Variants in RERG observed in about 807,000 individuals in gnomAD.
RERG encodes ras-related and estrogen-regulated growth inhibitor.
A neutral mutation model predicts 23.2 loss-of-function variants in RERG; 25 were observed. The observed-to-expected ratio is 1.08, with a 90% CI of 0.79 to 1.50. The LOEUF (loss-of-function observed/expected upper bound fraction) is 1.50, where lower values mean the gene tolerates loss of function less well. RERG is among the 40% of genes most tolerant of loss of function. The pLI is 0.00. For missense variants in RERG, 253 were observed against 250.1 expected (o/e 1.01, Z -0.08); for synonymous variants, 81 against 89.1 (o/e 0.91, Z 0.51).
intron 2 of RERG, among the ~76,000 whole-genome samples, chr12:15,173,751 TTTC>T (rs560514886): frequency 3.1e-3 from 466 of 152,044 alleles, no homozygotes; most frequent in Non-Finnish European, 3.8e-3. Context: ...ATAAAATTGT[TTTC>T]TTAATTTCAT....
intron 2 of RERG, among the ~76,000 whole-genome samples, chr12:15,130,168 T>C (rs1864020604): frequency 6.6e-6 from 1 of 152,148 alleles, no homozygotes; most frequent in Non-Finnish European, 1.5e-5. Context: ...ATGTTTATCA[T>C]GCTCCAGGTA....
intron 3 of RERG, among the ~76,000 whole-genome samples, chr12:15,118,763 C>T (rs928992386): frequency 6.6e-6 from 1 of 152,082 alleles, no homozygotes; most frequent in Middle Eastern, 3.2e-3. Context: ...TCCCACTTTC[C>T]CTTCTGCCGT....
chr12:15,219,792 T>A (rs1473314622), intron 1 of RERG, among the ~76,000 whole-genome samples: 1 of 152,198 alleles, frequency 6.6e-6, no homozygotes, highest in Admixed American at 6.5e-5. Flanking sequence ...CAAGTAATTA[T>A]CTGTCTGATT....
intron 2 of RERG, among the ~76,000 whole-genome samples, chr12:15,167,784 C>T (rs17822184): frequency 6.6e-6 from 1 of 152,100 alleles, no homozygotes; most frequent in South Asian, 2.1e-4. Flanking sequence ...CTAATAAAGA[C>T]AAAAAAATCA....
At chr12:15,201,439 T>C (rs1288451550) in intron 2 of RERG, among the ~76,000 whole-genome samples, 1 of 151,702 alleles carries the variant, frequency 6.6e-6, no homozygotes, top group Admixed American at 6.6e-5. Context: ...ACAAGGTGAA[T>C]ACATAAAGTA....
At chr12:15,130,698 C>A (rs1339396458) in intron 2 of RERG, among the ~76,000 whole-genome samples, 4 of 152,086 alleles carry the variant, frequency 2.6e-5, no homozygotes, top group Non-Finnish European at 5.9e-5. Flanking sequence ...AGATGGGGGT[C>A]TAGGGATTGC....
intron 3 of RERG, among the ~76,000 whole-genome samples, chr12:15,112,802 C>T (rs1214555497): frequency 6.6e-6 from 1 of 152,026 alleles, no homozygotes; most frequent in Non-Finnish European, 1.5e-5. Flanking sequence ...GAATAAAATA[C>T]ATAGAGGAGT....
At chr12:15,192,563 A>G (rs904083161) in intron 2 of RERG, among the ~76,000 whole-genome samples, 9 of 152,202 alleles carry the variant, frequency 5.9e-5, no homozygotes, top group African/African-American at 2.2e-4. Context: ...CCTTCACTTA[A>G]CCAAAATGCA....
At chr12:15,181,821 T>C (rs1367547203) in intron 2 of RERG, among the ~76,000 whole-genome samples, 3 of 151,978 alleles carry the variant, frequency 2.0e-5, no homozygotes, top group Non-Finnish European at 4.4e-5. Context: ...AGAAGTGAGG[T>C]CACACATAGA....
At chr12:15,136,940 G>C (rs977813987) in intron 2 of RERG, among the ~76,000 whole-genome samples, 2 of 152,018 alleles carry the variant, frequency 1.3e-5, no homozygotes, top group Admixed American at 6.6e-5. Context: ...CTATTGAGTT[G>C]AACTATGTCC....
chr12:15,201,677 A>G (rs1161409162), intron 2 of RERG, among the ~76,000 whole-genome samples: 2 of 149,406 alleles, frequency 1.3e-5, no homozygotes, highest in African/African-American at 4.9e-5. Flanking sequence ...ATAGTAATTA[A>G]CAATCATAAT....
chr12:15,203,678 C>A (rs1008611238), intron 2 of RERG, among the ~76,000 whole-genome samples: 1 of 151,568 alleles, frequency 6.6e-6, no homozygotes, highest in Non-Finnish European at 1.5e-5. Flanking sequence ...AAAGACTCCA[C>A]CAAAAACACT....
intron 4 of RERG, among the ~76,000 whole-genome samples, chr12:15,109,900 C>T (rs1863573235): frequency 6.6e-6 from 1 of 152,146 alleles, no homozygotes; most frequent in African/African-American, 2.4e-5. Flanking sequence ...AGCCCCTATT[C>T]CACCTTTTAA....
chr12:15,116,023 T>C (rs74068875), intron 3 of RERG, among the ~76,000 whole-genome samples: 9,097 of 152,324 alleles, frequency 0.06, 938 homozygotes, highest in African/African-American at 0.2. Context: ...ACATGGTGTA[T>C]GCACAGTGAT....
chr12:15,192,495 A>T (rs1865085825), intron 2 of RERG, among the ~76,000 whole-genome samples: 1 of 152,164 alleles, frequency 6.6e-6, no homozygotes, highest in South Asian at 2.1e-4. Flanking sequence ...TTTTATTTTG[A>T]GATAATTTTA....
intron 2 of RERG, among the ~76,000 whole-genome samples, chr12:15,150,814 TGG>T (rs1864428075): frequency 6.6e-6 from 1 of 152,152 alleles, no homozygotes; most frequent in Non-Finnish European, 1.5e-5. Flanking sequence ...GGCAGAGATG[TGG>T]GAGGTTATAG....
chr12:15,182,292 A>C (rs2136129601), intron 2 of RERG, among the ~76,000 whole-genome samples: 1 of 152,196 alleles, frequency 6.6e-6, no homozygotes, highest in African/African-American at 2.4e-5. Context: ...TCCCGGCCTT[A>C]GGTGATCCGC....
chr12:15,174,709 A>AT (rs34054239), intron 2 of RERG, among the ~76,000 whole-genome samples: 12,610 of 151,238 alleles, frequency 0.083, 610 homozygotes, highest in East Asian at 0.25. Context: ...AAAGTTCACC[A>AT]TTTTTTTTCT....
rs1865460529 is a variant in RERG at position 15,217,572 on chromosome 12, T to C, written c.-83A>G. 1 of 972,604 alleles carries C rather than the reference T, an allele frequency of 1.0e-6. No individual in the cohort carries two copies. Among genetic ancestry groups the C allele is most frequent in the African/African-American group, 1.6e-5 (1 of 62,216 alleles). The allele number at this position is 972,604 out of a possible 1,614,324, so 60.2% of individuals were successfully genotyped here. A position where few individuals can be genotyped will look rare whatever the true frequency, so the allele number is the denominator to read the frequency against. On this transcript the variant is annotated 5_prime_UTR_variant, in exon 2 of 5. The change creates a new upstream start codon in the 5' untranslated region. Coordinates refer to ENST00000256953, the MANE Select transcript of RERG (RefSeq NM_032918.3). ...TTGGTTCCAGTCTTTGGATTCACCA[T>C]ATCATTGTGAATCTTGGAAGAGTCC...
Sources: gnomAD v4.1 joint callset for allele counts (sites outside exome capture counted in the v4.1 genomes callset) on GRCh38, gnomAD v4.1.1 for gene constraint, MANE v1.5 for transcripts, NCBI Gene and HGNC (gene_info 2026-07-23, HGNC 2026-07-21) for gene names.